LRP1B: variants seen among roughly 807,000 people sequenced by gnomAD.
LRP1B encodes the protein low-density lipoprotein receptor-related protein 1B.
LRP1B carries 217 observed loss-of-function variants against 556.6 expected under a neutral mutation model. That is an observed-to-expected ratio of 0.39 (90% CI 0.35 to 0.44). The LOEUF (loss-of-function observed/expected upper bound fraction) is 0.44. Among genes scored for constraint, LRP1B ranks in the 20% least tolerant of loss-of-function variants. The probability of loss-of-function intolerance (pLI) is 1.00; values close to 1 mark genes in which losing one functional copy is unlikely to be tolerated. For synonymous variants in LRP1B, 2,047 were observed against 1,865.8 expected, an observed-to-expected ratio of 1.10 and a Z score of -2.50; for missense variants, 5,053 against 5,620.8, an observed-to-expected ratio of 0.90 and a Z score of 3.23.
intron 3 of LRP1B, among the ~76,000 whole-genome samples, chr2:141,345,167 GAA>G (rs770192578): frequency 5.1e-5 from 7 of 136,236 alleles, no homozygotes; most frequent in Middle Eastern, 3.9e-3. Flanking sequence ...TAGAAGCCAG[GAA>G]AAAAAAAAAA....
intron 2 of LRP1B, among the ~76,000 whole-genome samples, chr2:141,544,560 T>C (rs1685484864): frequency 6.6e-6 from 1 of 151,634 alleles, no homozygotes; most frequent in Non-Finnish European, 1.5e-5. Flanking sequence ...GGATTATAGG[T>C]GTGAGCCGCT....
chr2:141,556,123 C>A (rs1476103668), intron 2 of LRP1B, among the ~76,000 whole-genome samples: 1 of 151,702 alleles, frequency 6.6e-6, no homozygotes, highest in African/African-American at 2.4e-5. Flanking sequence ...TTCCTGTTAT[C>A]CATTAATATT....
chr2:142,123,795 A>G (rs968432998), intron 1 of LRP1B, among the ~76,000 whole-genome samples: 3 of 151,840 alleles, frequency 2.0e-5, no homozygotes, highest in Admixed American at 1.3e-4. Flanking sequence ...ACACAAGCTT[A>G]TATCTGAGAA....
At chr2:140,294,281 A>C (rs865870432) in intron 84 of LRP1B, among the ~76,000 whole-genome samples, 4 of 152,366 alleles carry the variant, frequency 2.6e-5, no homozygotes, top group Admixed American at 1.3e-4. Flanking sequence ...AAGATCATTG[A>C]ACACTGATTA....
chr2:140,964,470 C>T (rs558040050), intron 18 of LRP1B, among the ~76,000 whole-genome samples: 3 of 152,192 alleles, frequency 2.0e-5, no homozygotes, highest in African/African-American at 7.2e-5. Context: ...CATTTTGCTA[C>T]GGCTGGACCA....
rs1705302189 is a variant in LRP1B, at chr2:142,071,318, T to C, written c.82+59330A>G. The stretch of plus-strand genomic sequence containing the variant: ...TTAGTTCTGTTCTGGATTTCTCTCC[T>C]ACCTTTCTGAACCAATGCTTGTCAT... On this transcript the variant is annotated intron_variant, in intron 1 of 90. Transcript: ENST00000389484. 2.6e-5 allele frequency among the ~76,000 whole-genome samples: 4 copies of C among 151,966 alleles called. No individual in the cohort carries two copies. The South Asian group carries it at 6.2e-4, about 24-fold the overall frequency.
rs534820878 is a variant in LRP1B, at chr2:140,838,790, C to A, written c.5209+1201G>T. Among the ~76,000 whole-genome samples the A allele has an allele frequency of 2.0e-5, 3 of 151,930 alleles. No homozygotes were observed. In the South Asian group the frequency reaches 6.3e-4, roughly 32 times the overall value. ...AGGTATTCTGAAATGACAAATAGGC[C>A]CTGTAACAATTTTTGCTTCTCAAAG... On this transcript the variant is annotated intron_variant, in intron 31 of 90. Transcript: ENST00000389484.
intron 3 of LRP1B, among the ~76,000 whole-genome samples, chr2:141,406,543 C>T (rs1304795257): frequency 7.4e-6 from 1 of 135,324 alleles, no homozygotes; most frequent in Non-Finnish European, 1.6e-5. Flanking sequence ...GAGTATCTAT[C>T]TATCATCTAT....
At chr2:141,792,293 A>T (rs182210764) in intron 2 of LRP1B, among the ~76,000 whole-genome samples, 1 of 152,140 alleles carries the variant, frequency 6.6e-6, no homozygotes, top group Admixed American at 6.6e-5. Context: ...TTGATCTCAG[A>T]CCCATACTTT....
chr2:140,418,751 A>C (rs944445334), intron 66 of LRP1B, among the ~76,000 whole-genome samples: 3 of 152,030 alleles, frequency 2.0e-5, no homozygotes, highest in African/African-American at 7.2e-5. Flanking sequence ...TATTTACTTC[A>C]TTATATATTA....
intron 11 of LRP1B, among the ~76,000 whole-genome samples, chr2:141,039,907 A>G (rs1264889594): frequency 2.6e-5 from 4 of 152,150 alleles, no homozygotes; most frequent in African/African-American, 9.6e-5. Context: ...TGAGAAATAT[A>G]TATTTACAGA....
intron 32 of LRP1B, among the ~76,000 whole-genome samples, chr2:140,786,024 A>C (rs777320035): frequency 5.9e-5 from 9 of 152,178 alleles, no homozygotes; most frequent in Non-Finnish European, 1.0e-4. Flanking sequence ...CATTCTCCTG[A>C]CTGCCATTGC....
chr2:141,241,959 A>G (rs1184415966), intron 5 of LRP1B, among the ~76,000 whole-genome samples: 1 of 152,014 alleles, frequency 6.6e-6, no homozygotes, highest in Non-Finnish European at 1.5e-5. Flanking sequence ...AAAACCCTAA[A>G]TGGTGAATCT....
At chr2:141,737,604 G>C (rs1256458791) in intron 2 of LRP1B, among the ~76,000 whole-genome samples, 2 of 152,116 alleles carry the variant, frequency 1.3e-5, no homozygotes, top group African/African-American at 4.8e-5. Context: ...GATTGATCTT[G>C]TTTACCCCAT....
chr2:141,882,239 G>C (rs868025105), intron 1 of LRP1B, among the ~76,000 whole-genome samples: 2 of 152,074 alleles, frequency 1.3e-5, no homozygotes, highest in African/African-American at 2.4e-5. Context: ...AGAGCAGGCA[G>C]GCAAGAACCT....
chr2:141,871,759 T>G (rs1470373269), intron 1 of LRP1B, among the ~76,000 whole-genome samples: 1 of 151,960 alleles, frequency 6.6e-6, no homozygotes, highest in African/African-American at 2.4e-5. Context: ...GTTTAGTTTA[T>G]GCAGGGCAAT....
chr2:141,082,489 T>C (rs1393653247), intron 7 of LRP1B, among the ~76,000 whole-genome samples: 1 of 152,242 alleles, frequency 6.6e-6, no homozygotes, highest in Non-Finnish European at 1.5e-5. Flanking sequence ...ATCAGCCTAA[T>C]GTGCTGCAGT....
chr2:140,606,574 A>G (rs968530033), intron 41 of LRP1B, among the ~76,000 whole-genome samples: 1 of 152,082 alleles, frequency 6.6e-6, no homozygotes, highest in African/African-American at 2.4e-5. Flanking sequence ...AATGAAAAAA[A>G]CAAAGTTAGT....
intron 55 of LRP1B, among the ~76,000 whole-genome samples, chr2:140,499,345 C>A (rs533707631): frequency 2.6e-5 from 4 of 151,808 alleles, no homozygotes; most frequent in African/African-American, 9.6e-5. Context: ...AATTTACTAC[C>A]AAGTTTGTTA....
Sources: allele counts gnomAD v4.1 joint callset (sites outside exome capture counted in the v4.1 genomes callset), GRCh38; gene constraint gnomAD v4.1.1; transcripts MANE v1.5; gene names NCBI Gene and HGNC (gene_info 2026-07-23, HGNC 2026-07-21).